The following LRRC71 variants were observed in gnomAD, a reference collection of about 807,000 sequenced individuals.
LRRC71 encodes the protein leucine-rich repeat-containing protein 71.
In LRRC71, 54 loss-of-function variants were observed where a neutral mutation model predicts 66.6. The observed-to-expected ratio is 0.81, with a 90% CI of 0.65 to 1.02. LRRC71 has a LOEUF of 1.02. Ranked by LOEUF, LRRC71 falls within the 50% of genes least tolerant of loss-of-function variation. The pLI, the probability that LRRC71 is intolerant of heterozygous loss-of-function variation, is 0.00. For missense variants in LRRC71, 724 were observed against 718.0 expected (o/e 1.01, Z -0.10); for synonymous variants, 323 against 303.9 (o/e 1.06, Z -0.65).
Position 156,932,849 on chromosome 1 carries a change from T to G in LRRC71, c.1564-4T>G. On this transcript the variant is annotated splice_polypyrimidine_tract_variant and splice_region_variant and intron_variant, in intron 14 of 14. Transcript: ENST00000337428. ...TCAGATGTCAGCCTTCCTTTTCTTT[T>G]CAGAAAAATTGCTTCGCCCCACAAT... The G allele has an allele frequency of 6.2e-7, 1 of 1,606,252 alleles. No homozygotes were observed. Among genetic ancestry groups the G allele is most frequent in the South Asian group, 1.1e-5 (1 of 89,144 alleles).
chr1:156,934,116 G>A (rs1332301437), downstream of LRRC71, among the ~76,000 whole-genome samples: 1 of 152,108 alleles, frequency 6.6e-6, no homozygotes. Context: ...GCTTCTGCAG[G>A]GAAACTTGCC....
At chr1:156,939,912 T>C in the LRRC71 span, 1 of 1,601,076 alleles carries the variant, frequency 6.2e-7, no homozygotes, top group Non-Finnish European at 8.5e-7. Context: ...GGTTCTCCAC[T>C]GGAGGGGAAA....
intron 1 of LRRC71, chr1:156,921,712 AACACACACACACACACACAC>A (rs34547094): frequency 1.0e-4 from 29 of 278,486 alleles, no homozygotes; most frequent in East Asian, 6.0e-4. Context: ...TTACATTCAA[AACACACACACACACACACAC>A]ACACACACAC....
chr1:156,930,046 C>CTTTCTTTCTTTCTTTCTT (rs796965127), intron 11 of LRRC71, among the ~76,000 whole-genome samples: 2,964 of 125,162 alleles, frequency 0.024, 120 homozygotes, highest in African/African-American at 0.081. Context: ...CTTTCTTTCT[C>CTTTCTTTCTTTCTTTCTT]TTTCTTTCTT....
chr1:156,935,148 C>CTCCG (rs1287340094), downstream of LRRC71: 2 of 152,546 alleles, frequency 1.3e-5, no homozygotes, highest in African/African-American at 4.8e-5. Context: ...CAGTCCTCAG[C>CTCCG]TCCGTACCTG....
the LRRC71 span, chr1:156,938,612 AGG>A: frequency 9.1e-7 from 1 of 1,101,838 alleles, no homozygotes; most frequent in Non-Finnish European, 1.3e-6. Context: ...AGGTGGGGAC[AGG>A]GGGAGGAGAA....
In LRRC71 at chr1:156,920,853, C is replaced by A. The variant is rs1465974464; in HGVS notation, c.50C>A (p.Pro17Gln). 6.5e-7 allele frequency: 1 copy of A among 1,538,216 alleles called. No homozygotes were observed. The highest frequency in any genetic ancestry group is 2.0e-5 in the Admixed American group (1 of 49,870). Residue 17 changes from proline (P) to glutamine (Q), a missense_variant, in exon 1 of 15, where the codon CCG becomes CAG. By Grantham distance (76) the Pro-to-Gln change is moderately conservative (BLOSUM62 -1). Transcript: ENST00000337428. The surrounding 1 kb of genome is among the most constrained non-coding windows in gnomAD (Gnocchi z 4.9). Reference protein sequence around the residue: ...APGASPRAPRPGTQKSSGAVT... With the variant: ...APGASPRAPRQGTQKSSGAVT... ...GGGGCCTCACCCAGGGCCCCGCGTC[C>A]GGGGACCCAGAAGTCTTCTGGCGCG...
intron 1 of LRRC71, 44 bp from the exon 2 acceptor site, chr1:156,923,905 G>T (rs1212624020): frequency 1.4e-6 from 2 of 1,421,114 alleles, no homozygotes; most frequent in African/African-American, 3.0e-5. Flanking sequence ...GGGATGCGGG[G>T]GTGGGCGTGG....
At chr1:156,930,046 C>CT (rs1553189677) in intron 11 of LRRC71, among the ~76,000 whole-genome samples, 16 of 125,266 alleles carry the variant, frequency 1.3e-4, no homozygotes, top group African/African-American at 5.4e-4. Context: ...CTTTCTTTCT[C>CT]TTTCTTTCTT....
downstream of LRRC71, chr1:156,936,966 C>A: frequency 1.2e-6 from 2 of 1,614,150 alleles, no homozygotes; most frequent in South Asian, 1.1e-5. Context: ...GACTCTCCCC[C>A]AAGGGACTTG....
chr1:156,940,072 C>T, the LRRC71 span: 7 of 1,399,776 alleles, frequency 5.0e-6, no homozygotes, highest in African/African-American at 1.0e-4. Context: ...GGAATGACAT[C>T]TGTCTCCGCA....
At chr1:156,937,405 G>A (rs772166346), downstream of LRRC71, 3 of 1,594,306 alleles carry the variant, frequency 1.9e-6, no homozygotes, top group Admixed American at 5.2e-5. Context: ...CTGCAGGGAG[G>A]CTGTCAGGCT....
intron 13 of LRRC71, 103 bp downstream of exon 13, chr1:156,932,130 C>A: frequency 1.1e-6 from 1 of 935,664 alleles, no homozygotes; most frequent in Non-Finnish European, 1.7e-6. Context: ...CTGGTCCTCC[C>A]ATCTTTGGGC....
chr1:156,932,748 T>TC, intron 14 of LRRC71, 105 bp from the exon 15 acceptor site: 1 of 1,476,886 alleles, frequency 6.8e-7, no homozygotes, highest in Non-Finnish European at 9.3e-7. Flanking sequence ...TTTCTGCATG[T>TC]CCCCCAGCCC....
intron 5 of LRRC71, among the ~76,000 whole-genome samples, chr1:156,925,744 C>CGGG (rs548895814): frequency 2.2e-4 from 33 of 152,194 alleles, no homozygotes; most frequent in African/African-American, 7.7e-4. Context: ...TTCATGGTGG[C>CGGG]GGGGGGGTAC....
intron 11 of LRRC71, among the ~76,000 whole-genome samples, chr1:156,930,032 T>TTTTCTTTCTCTTTCTTTC: frequency 8.3e-6 from 1 of 120,056 alleles, no homozygotes; most frequent in South Asian, 2.9e-4. Context: ...TTTCTTTTCT[T>TTTTCTTTCTCTTTCTTTC]TTTCTTTCTT....
At chr1:156,936,480 G>GAAAAAAAAAAAAAAAAAAA (rs35863393), downstream of LRRC71, among the ~76,000 whole-genome samples, 1 of 48,022 alleles carries the variant, frequency 2.1e-5, no homozygotes, top group African/African-American at 1.2e-4. Context: ...CAAATAAATA[G>GAAAAAAAAAAAAAAAAAAA]AAAAAAAAAA....
chr1:156,937,119 G>A (rs1257706843), downstream of LRRC71: 20 of 1,565,198 alleles, frequency 1.3e-5, no homozygotes, highest in Admixed American at 7.1e-5. Context: ...GTGGCTGGGC[G>A]GGCTGGGGGA....
chr1:156,929,421 A>C lies in LRRC71; in HGVS notation c.1138A>C (p.Lys380Gln), dbSNP rs148325610. The C allele has an allele frequency of 6.2e-7, 1 of 1,613,846 alleles. No homozygotes were observed. The change falls in exon 10 of 15, where the codon AAA becomes CAA. Residue 380 changes from lysine (K) to glutamine (Q), a missense_variant. Transcript: ENST00000337428. ...TPKGLGKKKE[K>Q]SWELAKKEEK... ...TAAGGGCCTGGGCAAGAAAAAGGAG[A>C]AATCATGGGTAGGTGTGCAATGGGA...
Sources: gnomAD v4.1 joint callset for allele counts (sites outside exome capture counted in the v4.1 genomes callset) on GRCh38, gnomAD v4.1.1 for gene constraint, Gnocchi (gnomAD v3.1) non-coding constraint, MANE v1.5 for transcripts, NCBI Gene and HGNC (gene_info 2026-07-23, HGNC 2026-07-21) for gene names.